The following NRG1 variants were observed in gnomAD, a reference collection of about 807,000 sequenced individuals.
NRG1 encodes pro-neuregulin-1, membrane-bound isoform.
A neutral mutation model predicts 63.8 loss-of-function variants in NRG1; 18 were observed. The observed-to-expected ratio is 0.28, with a 90% CI of 0.19 to 0.42. The LOEUF is 0.42. Among genes scored for constraint, NRG1 ranks in the 10% least tolerant of loss-of-function variants. The pLI, the probability that NRG1 is intolerant of heterozygous loss-of-function variation, is 1.00. For missense variants in NRG1, 762 were observed against 814.7 expected (o/e 0.94, Z 0.79); for synonymous variants, 302 against 301.3 (o/e 1.00, Z -0.02).
intron 1 of NRG1, among the ~76,000 whole-genome samples, chr8:32,317,801 T>C (rs1207303504): frequency 6.6e-6 from 1 of 152,228 alleles, no homozygotes; most frequent in East Asian, 1.9e-4. Flanking sequence ...TACCTGTTGT[T>C]ATATAGCTGG....
downstream of NRG1, among the ~76,000 whole-genome samples, chr8:32,771,523 G>A (rs924697282): frequency 5.3e-5 from 8 of 150,310 alleles, no homozygotes; most frequent in African/African-American, 2.4e-5. Flanking sequence ...TATTACATTA[G>A]TGTTTTATTA....
At chr8:32,421,070 A>C (rs1056570396) in intron 1 of NRG1, among the ~76,000 whole-genome samples, 1 of 152,176 alleles carries the variant, frequency 6.6e-6, no homozygotes, top group Non-Finnish European at 1.5e-5. Flanking sequence ...GAGTCAATTA[A>C]ACCTCTTTTC....
At chr8:31,861,562 A>G (rs1156264206) in intron 1 of NRG1, among the ~76,000 whole-genome samples, 1 of 152,170 alleles carries the variant, frequency 6.6e-6, no homozygotes, top group Non-Finnish European at 1.5e-5. Context: ...TTTCTCACAT[A>G]GGGGTCATCA....
intron 1 of NRG1, among the ~76,000 whole-genome samples, chr8:31,803,320 G>C (rs1029480845): frequency 6.6e-6 from 1 of 152,144 alleles, no homozygotes; most frequent in Admixed American, 6.5e-5. Context: ...ACTCTTGTTT[G>C]GGGCTGGGAA....
chr8:31,944,931 A>T (rs1802312275), intron 1 of NRG1, among the ~76,000 whole-genome samples: 1 of 152,198 alleles, frequency 6.6e-6, no homozygotes. Flanking sequence ...TCAAGTAGAC[A>T]GTTAACTTAT....
At chr8:32,212,343 C>T (rs1182435292) in intron 1 of NRG1, among the ~76,000 whole-genome samples, 1 of 152,118 alleles carries the variant, frequency 6.6e-6, no homozygotes, top group Non-Finnish European at 1.5e-5. Flanking sequence ...ATTTTTGCAA[C>T]TCCATGTATA....
chr8:32,634,099 T>TAAAAAAAAAAAAAAAAAAAAAAAAAAA lies in NRG1; in HGVS notation c.502+17233_502+17234insAAAAAAAAAAAAAAAAAAAAAAAAAAA, dbSNP rs57478389. 5.1e-4 allele frequency among the ~76,000 whole-genome samples: 44 copies of TAAAAAAAAAAAAAAAAAAAAAAAAAAA among 86,740 alleles called. 8 individuals are homozygous for TAAAAAAAAAAAAAAAAAAAAAAAAAAA. In the East Asian group the frequency reaches 6.1e-3, roughly 12 times the overall value. The allele number at this position is 86,740 out of a possible 152,430, so 56.9% of individuals were successfully genotyped here. A position where few individuals can be genotyped will look rare whatever the true frequency, so the allele number is the denominator to read the frequency against. On this transcript the variant is annotated intron_variant, in intron 5 of 11. Transcript: ENST00000356819. ...TTTGAGGCTGAGCAAGATCTTGTCT[T>TAAAAAAAAAAAAAAAAAAAAAAAAAAA]AAAAAAAAAAAAAAAAAAAGGTTGC...
intron 1 of NRG1, among the ~76,000 whole-genome samples, chr8:32,031,696 G>T (rs899808298): frequency 6.6e-6 from 1 of 152,122 alleles, no homozygotes; most frequent in African/African-American, 2.4e-5. Context: ...CTACTTATAA[G>T]TGAGAACGTG....
rs3779655 is a variant in NRG1, at chr8:32,722,051, A to T, written c.503-5898A>T. On this transcript the variant is annotated intron_variant, in intron 5 of 11. Coordinates refer to ENST00000356819, the Ensembl canonical transcript of NRG1. ...CATTGAAGATATTACAGGTAAGGTT[A>T]AAAAAAATCTGTAATTTTGTAGTGA... 822 of 1,533,180 alleles carry T rather than the reference A, an allele frequency of 5.4e-4. 13 individuals carry two copies. In the East Asian group the frequency reaches 0.018, roughly 34 times the overall value. 95.0% of individuals were successfully genotyped at this position (1,533,180 alleles called of 1,614,324 possible). A position where few individuals can be genotyped will look rare whatever the true frequency, so the allele number is the denominator to read the frequency against.
chr8:31,945,037 A>G (rs572794658), intron 1 of NRG1, among the ~76,000 whole-genome samples: 7 of 152,280 alleles, frequency 4.6e-5, no homozygotes, highest in Admixed American at 2.0e-4. Flanking sequence ...AATGATTTAC[A>G]TGTATTCCTG....
rs397956518 is a variant in NRG1, at chr8:32,344,419, A to ATGTGTG, written c.38-251375_38-251370dup. Among the ~76,000 whole-genome samples, 264 of 57,450 alleles carry ATGTGTG rather than the reference A, an allele frequency of 4.6e-3. 10 individuals are homozygous for ATGTGTG. The highest frequency in any genetic ancestry group is 0.011 in the African/African-American group (204 of 18,738). The allele number at this position is 57,450 out of a possible 152,430, so 37.7% of individuals were successfully genotyped here. On this transcript the variant is annotated intron_variant, in intron 1 of 10. Transcript: ENST00000519301. ...TTTTTGTGCATGCATGCGTGCATGC[A>ATGTGTG]TGTGTGTGTGTGTGTGTGTGTGTGT...
intron 1 of NRG1, among the ~76,000 whole-genome samples, chr8:31,782,596 A>G (rs1448219256): frequency 6.6e-6 from 1 of 152,292 alleles, no homozygotes; most frequent in African/African-American, 2.4e-5. Context: ...ATTTGTATTC[A>G]TTCGTACACA....
intron 10 of NRG1, 74 bp downstream of exon 10, chr8:32,759,510 C>G: frequency 6.5e-7 from 1 of 1,533,648 alleles, no homozygotes; most frequent in African/African-American, 1.4e-5. Context: ...ATATCCCTGC[C>G]TAAGAAAGGA....
chr8:32,672,147 C>T (rs771059092), intron 5 of NRG1, among the ~76,000 whole-genome samples: 6 of 151,966 alleles, frequency 3.9e-5, no homozygotes, highest in Admixed American at 6.6e-5. Context: ...CGGGTTCCAG[C>T]GATTCTCCTG....
chr8:32,015,710 C>T (rs561024330), intron 1 of NRG1, among the ~76,000 whole-genome samples: 1 of 152,048 alleles, frequency 6.6e-6, no homozygotes, highest in African/African-American at 2.4e-5. Flanking sequence ...ACAGCTATGC[C>T]TCATTTTCAT....
chr8:32,320,976 TTATTTATA>T (rs1801316117), intron 1 of NRG1, among the ~76,000 whole-genome samples: 1 of 152,178 alleles, frequency 6.6e-6, no homozygotes, highest in Admixed American at 6.5e-5. Context: ...ACAATCTTGT[TTATTTATA>T]TATTTTATGG....
intron 1 of NRG1, among the ~76,000 whole-genome samples, chr8:31,820,018 G>A (rs1823854726): frequency 6.6e-6 from 1 of 152,088 alleles, no homozygotes; most frequent in South Asian, 2.1e-4. Context: ...AAGATATCGG[G>A]AGAAAAGCGA....
chr8:32,361,107 CATATT>C (rs899450883), intron 1 of NRG1, among the ~76,000 whole-genome samples: 6 of 152,248 alleles, frequency 3.9e-5, no homozygotes, highest in African/African-American at 1.4e-4. Context: ...TATAGAAACA[CATATT>C]ATATAGTAAG....
chr8:32,641,966 A>G (rs1424620968), intron 5 of NRG1, among the ~76,000 whole-genome samples: 2 of 152,214 alleles, frequency 1.3e-5, no homozygotes, highest in Non-Finnish European at 2.9e-5. Context: ...GGAGAGAGGA[A>G]TGACAAGAAA....
Sources: gnomAD v4.1 joint callset for allele counts (sites outside exome capture counted in the v4.1 genomes callset) on GRCh38, gnomAD v4.1.1 for gene constraint, MANE v1.5 for transcripts, NCBI Gene and HGNC (gene_info 2026-07-23, HGNC 2026-07-21) for gene names.